Variants in RBFOX1 observed in about 807,000 individuals in gnomAD.
RBFOX1 encodes RNA binding protein fox-1 homolog 1.
Under a neutral mutation model 57.7 loss-of-function variants are expected in RBFOX1, and 8 were observed. The ratio of observed to expected loss-of-function variants is 0.14; its 90% CI spans 0.08 to 0.25. The LOEUF (loss-of-function observed/expected upper bound fraction) is 0.25, where lower values mean the gene tolerates loss of function less well. Among genes scored for constraint, RBFOX1 ranks in the 10% least tolerant of loss-of-function variants. RBFOX1 has a pLI of 1.00. For synonymous variants in RBFOX1, 326 were observed against 222.4 expected, an observed-to-expected ratio of 1.47 and a Z score of -4.15; for missense variants, 611 against 548.5, an observed-to-expected ratio of 1.11 and a Z score of -1.14.
chr16:7,125,352 C>T lies in RBFOX1; in HGVS notation c.27+73254C>T, dbSNP rs1347291421. On this transcript the variant is annotated intron_variant, in intron 4 of 15. Coordinates refer to ENST00000550418, the MANE Select transcript of RBFOX1 (RefSeq NM_018723.4). ...ATAAAATCAGATACTACTTTTAGATCCTCAGCAGAGTGCCAGGCAAATCAA... is the reference window on the plus strand; with the variant it reads ...ATAAAATCAGATACTACTTTTAGATTCTCAGCAGAGTGCCAGGCAAATCAA... Among the ~76,000 whole-genome samples, 8 of 152,284 alleles carry T rather than the reference C, an allele frequency of 5.3e-5. No individual in the cohort carries two copies. In the East Asian group the frequency reaches 9.7e-4, roughly 18 times the overall value.
intron 3 of RBFOX1, among the ~76,000 whole-genome samples, chr16:6,782,101 G>T (rs1231528010): frequency 2.0e-5 from 3 of 152,012 alleles, no homozygotes; most frequent in East Asian, 1.9e-4. Flanking sequence ...CCGCCTCCTG[G>T]GTTCACGTGA....
chr16:7,370,568 A>G (rs548975114), intron 4 of RBFOX1, among the ~76,000 whole-genome samples: 1 of 152,158 alleles, frequency 6.6e-6, no homozygotes, highest in East Asian at 1.9e-4. Flanking sequence ...CATGCTTGAT[A>G]TTTTCAGATG....
intron 4 of RBFOX1, among the ~76,000 whole-genome samples, chr16:7,515,725 C>G (rs894434780): frequency 1.3e-5 from 2 of 152,214 alleles, no homozygotes; most frequent in South Asian, 2.1e-4. Flanking sequence ...TTCAACACTT[C>G]AAATGACGTC....
At chr16:6,990,664 G>C (rs1306727447) in intron 3 of RBFOX1, among the ~76,000 whole-genome samples, 1 of 152,074 alleles carries the variant, frequency 6.6e-6, no homozygotes, top group Non-Finnish European at 1.5e-5. Context: ...TACTTTCAAA[G>C]GCAAAAGCCG....
intron 1 of RBFOX1, among the ~76,000 whole-genome samples, chr16:6,199,369 G>A (rs12149391): frequency 0.97 from 147,330 of 152,214 alleles, 71,451 homozygotes; most frequent in East Asian, 1. Flanking sequence ...TCTAGTTCAT[G>A]AAAGTCAAAT....
intron 2 of RBFOX1, among the ~76,000 whole-genome samples, chr16:6,373,525 AG>A (rs2090772023): frequency 6.6e-6 from 1 of 151,880 alleles, no homozygotes; most frequent in South Asian, 2.1e-4. Context: ...GTTGGATACA[AG>A]GATAGTTCAT....
chr16:5,253,250 A>T (rs1353154838), intron 1 of RBFOX1, among the ~76,000 whole-genome samples: 1 of 151,954 alleles, frequency 6.6e-6, no homozygotes, highest in East Asian at 1.9e-4. Context: ...CCCGGGTTCA[A>T]GCGATTCTCC....
chr16:7,292,025 A>T (rs931230967), intron 4 of RBFOX1, among the ~76,000 whole-genome samples: 1 of 141,388 alleles, frequency 7.1e-6, no homozygotes, highest in Non-Finnish European at 1.5e-5. Flanking sequence ...TGTATATATT[A>T]TATTATACAA....
rs147056969 is a variant in RBFOX1, at chr16:7,223,008, C to T, written c.27+170910C>T. On this transcript the variant is annotated intron_variant, in intron 4 of 15. Coordinates refer to ENST00000550418, the MANE Select transcript of RBFOX1 (RefSeq NM_018723.4). ...GGGCTGCATGGTCAGACCCATGAGG[C>T]TTCTCTTCCATCTGGCCACCTGTTA... 8.7e-3 allele frequency among the ~76,000 whole-genome samples: 1,328 copies of T among 152,302 alleles called. 21 individuals carry two copies. The highest frequency in any genetic ancestry group is 0.026 in the African/African-American group (1,068 of 41,558).
intron 3 of RBFOX1, among the ~76,000 whole-genome samples, chr16:5,657,666 C>CTTTCTTTCT (rs2049484859): frequency 5.1e-5 from 5 of 98,596 alleles, no homozygotes; most frequent in African/African-American, 2.1e-4. Flanking sequence ...TCTTTTCTTT[C>CTTTCTTTCT]TTTCTTTTCT....
At chr16:5,904,248 T>A (rs1459779076) in intron 4 of RBFOX1, among the ~76,000 whole-genome samples, 1 of 151,992 alleles carries the variant, frequency 6.6e-6, no homozygotes, top group Non-Finnish European at 1.5e-5. Context: ...AAAAACTAAT[T>A]TTCTGTGGGA....
intron 4 of RBFOX1, among the ~76,000 whole-genome samples, chr16:7,174,451 C>T (rs182576555): frequency 1.3e-5 from 2 of 152,162 alleles, no homozygotes; most frequent in African/African-American, 4.8e-5. Flanking sequence ...AGTGGAATTG[C>T]TGGGTTGTAT....
intron 2 of RBFOX1, among the ~76,000 whole-genome samples, chr16:6,450,240 A>C (rs1024150529): frequency 1.3e-5 from 2 of 152,054 alleles, no homozygotes; most frequent in African/African-American, 4.8e-5. Flanking sequence ...TTGCTTCCTC[A>C]TCTATAATAT....
chr16:6,680,755 A>G (rs1331277952), intron 3 of RBFOX1, among the ~76,000 whole-genome samples: 1 of 152,166 alleles, frequency 6.6e-6, no homozygotes, highest in African/African-American at 2.4e-5. Flanking sequence ...TTATCTTTGT[A>G]AGGCGGAAAG....
intron 1 of RBFOX1, among the ~76,000 whole-genome samples, chr16:6,286,484 G>A (rs1489180701): frequency 6.6e-6 from 1 of 152,160 alleles, no homozygotes; most frequent in East Asian, 1.9e-4. Context: ...GGAAGTACTA[G>A]TACCTACCTT....
At chr16:6,149,361 T>A (rs2096781740) in intron 1 of RBFOX1, among the ~76,000 whole-genome samples, 2 of 152,242 alleles carry the variant, frequency 1.3e-5, no homozygotes, top group Admixed American at 1.3e-4. Context: ...CTATGTAACA[T>A]GAGGAACATT....
At chr16:5,277,676 C>G (rs1002438662) in intron 1 of RBFOX1, among the ~76,000 whole-genome samples, 1 of 152,166 alleles carries the variant, frequency 6.6e-6, no homozygotes, top group African/African-American at 2.4e-5. Context: ...ATCCCTGACC[C>G]TACTGACCTG....
At chr16:7,375,262 C>T (rs1354698872) in intron 4 of RBFOX1, among the ~76,000 whole-genome samples, 4 of 152,168 alleles carry the variant, frequency 2.6e-5, no homozygotes, top group South Asian at 2.1e-4. Context: ...TATTCAAAGA[C>T]AGGACAGCCT....
At chr16:5,682,712 A>C (rs1166281393) in intron 3 of RBFOX1, among the ~76,000 whole-genome samples, 1 of 152,240 alleles carries the variant, frequency 6.6e-6, no homozygotes, top group Non-Finnish European at 1.5e-5. Flanking sequence ...TCCGAGTCTA[A>C]CAACACTATG....
Sources: gnomAD v4.1 joint callset for allele counts (sites outside exome capture counted in the v4.1 genomes callset) on GRCh38, gnomAD v4.1.1 for gene constraint, MANE v1.5 for transcripts, NCBI Gene and HGNC (gene_info 2026-07-23, HGNC 2026-07-21) for gene names.